The following NHSL1 variants were observed in gnomAD, a reference collection of about 807,000 sequenced individuals.
The protein encoded by NHSL1 is NHS like 1.
NHSL1 carries 48 observed loss-of-function variants against 95.0 expected under a neutral mutation model. The ratio of observed to expected loss-of-function variants is 0.51; its 90% CI spans 0.40 to 0.64. NHSL1 has a LOEUF of 0.64. Among genes scored for constraint, NHSL1 ranks in the 30% least tolerant of loss-of-function variants. The pLI is 0.00. For synonymous variants in NHSL1, 783 were observed against 833.9 expected (o/e 0.94, Z 1.05); for missense variants, 1,971 against 2,077.7 (o/e 0.95, Z 1.00).
chr6:138,604,343 C>G (rs1230543567), intron 1 of NHSL1, among the ~76,000 whole-genome samples: 1 of 152,208 alleles, frequency 6.6e-6, no homozygotes, highest in Non-Finnish European at 1.5e-5. Context: ...AAGTAATCAT[C>G]TAAGGCAGCA....
intron 3 of NHSL1, among the ~76,000 whole-genome samples, chr6:138,463,402 G>A (rs1037870145): frequency 4.6e-5 from 7 of 151,516 alleles, no homozygotes; most frequent in Non-Finnish European, 7.4e-5. Context: ...AGTCATTATC[G>A]CCACTCTTCC....
chr6:138,640,070 G>T (rs1032539928), intron 1 of NHSL1, among the ~76,000 whole-genome samples: 1 of 151,836 alleles, frequency 6.6e-6, no homozygotes, highest in South Asian at 2.1e-4. Flanking sequence ...TTGGTAAAGC[G>T]CTGCACATTT....
chr6:138,680,160 G>A (rs1199769185), intron 1 of NHSL1, among the ~76,000 whole-genome samples: 1 of 152,124 alleles, frequency 6.6e-6, no homozygotes, highest in Non-Finnish European at 1.5e-5. Flanking sequence ...CAATGATTAT[G>A]TGTCTGAGTC....
intron 1 of NHSL1, among the ~76,000 whole-genome samples, chr6:138,522,095 G>A (rs1781708158): frequency 6.6e-6 from 1 of 152,174 alleles, no homozygotes; most frequent in Non-Finnish European, 1.5e-5. Context: ...GAACACCCTG[G>A]AGAACAATCC....
intron 1 of NHSL1, among the ~76,000 whole-genome samples, chr6:138,610,394 G>A (rs1784493778): frequency 1.3e-5 from 2 of 151,948 alleles, no homozygotes; most frequent in South Asian, 4.2e-4. Context: ...CTGTAGTGGA[G>A]TGGGGGGAGC....
chr6:138,683,355 G>A lies in NHSL1; in HGVS notation c.96+9121C>T, dbSNP rs537862375. Among the ~76,000 whole-genome samples, 3 of 152,304 alleles carry A rather than the reference G, an allele frequency of 2.0e-5. No individual in the cohort carries two copies. In the East Asian group the frequency reaches 5.8e-4, roughly 29 times the overall value. On this transcript the variant is annotated intron_variant, in intron 1 of 3. Transcript: ENST00000491526. ...AGTGGCACGGCCTCCTGCAGACTGG[G>A]CCATCTGTGGCGATACAGGGACACA...
intron 1 of NHSL1, among the ~76,000 whole-genome samples, chr6:138,616,560 G>C (rs1045539545): frequency 6.6e-6 from 1 of 152,080 alleles, no homozygotes; most frequent in African/African-American, 2.4e-5. Context: ...AAGTGAGCAA[G>C]AGAGAGCACA....
chr6:138,568,434 C>A (rs934341818), intron 1 of NHSL1, among the ~76,000 whole-genome samples: 6 of 152,190 alleles, frequency 3.9e-5, no homozygotes, highest in African/African-American at 7.2e-5. Flanking sequence ...TCTACCACTG[C>A]ATTCCACTTT....
chr6:138,425,142 G>A (rs1235376334), intron 7 of NHSL1, among the ~76,000 whole-genome samples: 1 of 152,140 alleles, frequency 6.6e-6, no homozygotes, highest in Non-Finnish European at 1.5e-5. Context: ...TCAGGCTGGA[G>A]TGCAATAGCG....
At chr6:138,631,026 C>T (rs762495382) in intron 1 of NHSL1, among the ~76,000 whole-genome samples, 6 of 152,124 alleles carry the variant, frequency 3.9e-5, no homozygotes, top group South Asian at 2.1e-4. Flanking sequence ...CCAGTGGCAG[C>T]GTGGTATGGA....
intron 1 of NHSL1, among the ~76,000 whole-genome samples, chr6:138,580,708 A>C (rs1013824873): frequency 6.6e-6 from 1 of 152,234 alleles, no homozygotes; most frequent in African/African-American, 2.4e-5. Flanking sequence ...GGCAAACACA[A>C]TAACTTGGTA....
chr6:138,588,768 A>G (rs780362091), intron 1 of NHSL1, among the ~76,000 whole-genome samples: 6 of 152,258 alleles, frequency 3.9e-5, no homozygotes, highest in Non-Finnish European at 8.8e-5. Flanking sequence ...ACTTTCTTAT[A>G]TTACAACATT....
In NHSL1 at chr6:138,692,051, C is replaced by T. The variant is rs58674844; in HGVS notation, c.96+425G>A. On this transcript the variant is annotated intron_variant, in intron 1 of 3. Coordinates refer to the NHSL1 transcript ENST00000491526. The surrounding 1 kb of genome is among the most constrained non-coding windows in gnomAD (Gnocchi z 4.0). ...TTTTACAAACGGATCGTCCTGAAGT[C>T]TCCAAAACTGTAACTACTATATGCC... The T allele has an allele frequency of 0.15, 69,257 of 456,538 alleles. 6,086 individuals carry two copies. The highest frequency in any genetic ancestry group is 0.29 in the Admixed American group (12,517 of 42,580). 28.3% of individuals were successfully genotyped at this position (456,538 alleles called of 1,614,324 possible).
chr6:138,425,170 A>C (rs1775180283), intron 7 of NHSL1, among the ~76,000 whole-genome samples: 1 of 152,166 alleles, frequency 6.6e-6, no homozygotes, highest in Non-Finnish European at 1.5e-5. Flanking sequence ...AGCTCATTGC[A>C]ACCTCTGCCT....
In NHSL1 at chr6:138,441,154, C is replaced by T. The variant is rs114277648; in HGVS notation, c.664+829G>A. Among the ~76,000 whole-genome samples, 593 of 152,228 alleles carry T rather than the reference C, an allele frequency of 3.9e-3. 8 individuals carry two copies. The highest frequency in any genetic ancestry group is 0.013 in the African/African-American group (527 of 41,530). ...AAATGAGGAAGTAGACTCAGAGAGA[C>T]GAAGTTAACTGAGGTCACCCAGAGA... On this transcript the variant is annotated intron_variant, in intron 5 of 7. Coordinates refer to ENST00000343505, the MANE Select transcript of NHSL1 (RefSeq NM_001144060.2).
intron 1 of NHSL1, among the ~76,000 whole-genome samples, chr6:138,525,564 T>C (rs976022757): frequency 7.1e-6 from 1 of 141,180 alleles, no homozygotes; most frequent in Admixed American, 7.2e-5. Flanking sequence ...AATAAATAAA[T>C]AAATAAATAA....
At chr6:138,464,310 T>C in intron 3 of NHSL1, 4 of 664,862 alleles carry the variant, frequency 6.0e-6, no homozygotes, top group Non-Finnish European at 1.1e-5. Flanking sequence ...GACTGGGCCC[T>C]CAGCGCCACA....
chr6:138,558,041 T>C (rs1783258583), intron 1 of NHSL1, among the ~76,000 whole-genome samples: 1 of 152,224 alleles, frequency 6.6e-6, no homozygotes, highest in Non-Finnish European at 1.5e-5. Flanking sequence ...AAGGCATACT[T>C]CTCTAGTATT....
intron 1 of NHSL1, among the ~76,000 whole-genome samples, chr6:138,617,282 C>T (rs554099517): frequency 2.0e-5 from 3 of 152,152 alleles, no homozygotes; most frequent in East Asian, 3.9e-4. Flanking sequence ...ATCTTTCAGG[C>T]GGTGGGAAGG....
Sources: allele counts gnomAD v4.1 joint callset (sites outside exome capture counted in the v4.1 genomes callset), GRCh38; gene constraint gnomAD v4.1.1; non-coding constraint Gnocchi (gnomAD v3.1); transcripts MANE v1.5; gene names NCBI Gene and HGNC (gene_info 2026-07-23, HGNC 2026-07-21).